MEIS3: variants seen among roughly 807,000 people sequenced by gnomAD.
MEIS3 encodes Meis homeobox 3, also known as homeobox protein Meis3.
Under a neutral mutation model 51.4 loss-of-function variants are expected in MEIS3, and 38 were observed. The observed-to-expected ratio is 0.74, with a 90% CI of 0.57 to 0.97. The LOEUF is 0.97. Ranked by LOEUF, MEIS3 falls within the 50% of genes least tolerant of loss-of-function variation. The pLI is 0.00. For missense variants in MEIS3, 456 were observed against 502.6 expected (o/e 0.91, Z 0.89); for synonymous variants, 198 against 201.8 (o/e 0.98, Z 0.16).
chr19:47,417,646 C>A (rs984010958), intron 1 of MEIS3: 2 of 702,494 alleles, frequency 2.8e-6, no homozygotes, highest in Non-Finnish European at 5.2e-6. Flanking sequence ...GAGAAAGTGG[C>A]GTGAGAAGAC....
In MEIS3 at chr19:47,406,929, C is replaced by A. The variant is rs1472310470; in HGVS notation, c.1037G>T (p.Gly346Val). 1 of 1,579,020 alleles carries A rather than the reference C, an allele frequency of 6.3e-7. No individual in the cohort carries two copies. Among genetic ancestry groups the A allele is most frequent in the Non-Finnish European group, 8.6e-7 (1 of 1,164,180 alleles). Residue 346 changes from glycine (G) to valine (V), a missense_variant, in exon 11 of 13, where the codon GGC (glycine) becomes GTC (valine). Coordinates refer to ENST00000558555, the MANE Select transcript of MEIS3 (RefSeq NM_001301059.2). ...CACGTGTGGCTGCGTCTCGGTATAGCCCCCGATGGGCTGGCCCTCTGGGCT... is the reference window on the plus strand; with the variant it reads ...CACGTGTGGCTGCGTCTCGGTATAGACCCCGATGGGCTGGCCCTCTGGGCT... ...AFSPEGQPIG[G>V]YTETQPHVAV...
At chr19:47,421,722 T>C (rs73065368), upstream of MEIS3, among the ~76,000 whole-genome samples, 5,073 of 139,782 alleles carry the variant, frequency 0.036, 103 homozygotes, top group African/African-American at 0.044. Context: ...TCACCTGGGC[T>C]GTGTCTGTCT....
At chr19:47,406,849 T>TGCGCAGGGGCGGGGCC in intron 11 of MEIS3, 39 bp downstream of exon 11, 1 of 1,521,760 alleles carries the variant, frequency 6.6e-7, no homozygotes. Flanking sequence ...TGGGTCATGG[T>TGCGCAGGGGCGGGGCC]GCGCAGGGGC....
chr19:47,421,156 C>T (rs906512795), upstream of MEIS3, among the ~76,000 whole-genome samples: 2 of 151,976 alleles, frequency 1.3e-5, no homozygotes, highest in Non-Finnish European at 2.9e-5. Context: ...CTTCCCTGCC[C>T]GGCTGAGTGG....
At position 47,405,089 on chromosome 19, in the gene MEIS3, T is replaced by C. The variant is rs190723955; in HGVS notation, c.*17+1371A>G. On this transcript the variant is annotated intron_variant, in intron 12 of 12. Coordinates refer to ENST00000558555, the MANE Select transcript of MEIS3 (RefSeq NM_001301059.2). The stretch of plus-strand genomic sequence containing the variant: ...CTAGGCTGCCTCCCTACCCTGGGCC[T>C]TTGCACATGCTGTTCCCTCTGCTTT... Among the ~76,000 whole-genome samples the C allele has an allele frequency of 2.0e-5, 3 of 152,320 alleles. No homozygotes were observed. The East Asian group carries it at 5.8e-4, about 29-fold the overall frequency.
chr19:47,420,921 C>T (rs1475748039), upstream of MEIS3, among the ~76,000 whole-genome samples: 448 of 108,826 alleles, frequency 4.1e-3, 5 homozygotes, highest in African/African-American at 0.018. Flanking sequence ...CACACACACA[C>T]ACACACACAC....
rs766894750 is a variant in MEIS3 at position 47,409,498 on chromosome 19, C to T, written c.647G>A (p.Gly216Glu). Residue 216 changes from glycine to glutamate, a missense_variant, in exon 7 of 13, where the codon GGG becomes GAG. By Grantham distance (98) the Gly-to-Glu change is moderately conservative (BLOSUM62 -2). Transcript: ENST00000558555. ...GCCCCCACTGGATGGACCTGGGGTC[C>T]CCAAATGTACAGACCCACTATCCTC... The part of the protein sequence containing the change: ...DHEDSGSVHL[G>E]TPGPSSGGLA... 1.9e-6 allele frequency: 3 copies of T among 1,614,084 alleles called. No homozygotes were observed. Among genetic ancestry groups the T allele is most frequent in the African/African-American group, 1.3e-5 (1 of 75,042 alleles).
chr19:47,415,110 G>C lies in MEIS3; in HGVS notation c.397-9C>G, dbSNP rs549923749. On this transcript the variant is annotated splice_polypyrimidine_tract_variant and intron_variant, in intron 4 of 12. Transcript: ENST00000558555. ...TGGATGGCCTGGATCATCTGAAAAC[G>C]TGGGCGGGAGGTGGGGGGAGACAGA... 1 of 1,553,010 alleles carries C rather than the reference G, an allele frequency of 6.4e-7. No individual in the cohort carries two copies. Among genetic ancestry groups the C allele is most frequent in the Admixed American group, 2.0e-5 (1 of 50,946 alleles).
At chr19:47,412,546 C>T (rs573431720) in intron 6 of MEIS3, among the ~76,000 whole-genome samples, 2 of 151,980 alleles carry the variant, frequency 1.3e-5, no homozygotes, top group South Asian at 4.2e-4. Context: ...CGACATAACA[C>T]CCAGCTAATT....
At chr19:47,421,177 G>A (rs1971705798), upstream of MEIS3, among the ~76,000 whole-genome samples, 1 of 152,018 alleles carries the variant, frequency 6.6e-6, no homozygotes, top group Non-Finnish European at 1.5e-5. Context: ...CTCCCTGGGT[G>A]GCATCAGAGT....
chr19:47,421,040 G>A (rs1971701379), upstream of MEIS3, among the ~76,000 whole-genome samples: 1 of 151,398 alleles, frequency 6.6e-6, no homozygotes, highest in African/African-American at 2.4e-5. Flanking sequence ...GCAGGTGGCG[G>A]CCAGGCCTGG....
At chr19:47,412,525 C>A (rs1971185376) in intron 6 of MEIS3, 1 of 151,336 alleles carries the variant, frequency 6.6e-6, no homozygotes, top group Admixed American at 6.6e-5. Flanking sequence ...GTAGATGGGA[C>A]TACAGGCGCA....
At chr19:47,409,825 T>G (rs185197479) in intron 6 of MEIS3, among the ~76,000 whole-genome samples, 191 of 147,434 alleles carry the variant, frequency 1.3e-3, no homozygotes, top group African/African-American at 4.5e-3. Context: ...ATTGCGCCAC[T>G]GCACTCCAGC....
upstream of MEIS3, among the ~76,000 whole-genome samples, chr19:47,420,529 G>GAC (rs1971666561): frequency 1.4e-5 from 2 of 145,170 alleles, no homozygotes; most frequent in African/African-American, 5.4e-5. Context: ...TTCAGAGAGA[G>GAC]AGAGAGACAG....
At chr19:47,417,722 C>A (rs573300191) in intron 1 of MEIS3, 1 of 697,076 alleles carries the variant, frequency 1.4e-6, no homozygotes, top group Non-Finnish European at 2.6e-6. Flanking sequence ...GTAGGAACCG[C>A]GCATTGTTGT....
intron 4 of MEIS3, 70 bp from the exon 5 acceptor site, chr19:47,415,171 G>A: frequency 1.1e-6 from 1 of 924,862 alleles, no homozygotes; most frequent in Non-Finnish European, 1.7e-6. Flanking sequence ...GAAGAAGGAA[G>A]AGGAAGAGAA....
chr19:47,417,138 G>C (rs1971469201), intron 2 of MEIS3, 40 bp downstream of exon 2: 1 of 1,424,290 alleles, frequency 7.0e-7, no homozygotes, highest in East Asian at 2.4e-5. Context: ...CAGAAAGACA[G>C]AGAGAGAGAG....
chr19:47,410,075 G>A (rs536626365), intron 6 of MEIS3, among the ~76,000 whole-genome samples: 53 of 152,222 alleles, frequency 3.5e-4, no homozygotes, highest in African/African-American at 1.2e-3. Context: ...TGGAGGCTGA[G>A]GCAGGCAGAT....
chr19:47,416,740 G>T, intron 3 of MEIS3, 38 bp from the exon 4 acceptor site: 1 of 1,610,880 alleles, frequency 6.2e-7, no homozygotes, highest in Middle Eastern at 1.7e-4. Context: ...GGGATGTCCC[G>T]CCTTCCACCC....
Sources: allele counts gnomAD v4.1 joint callset (sites outside exome capture counted in the v4.1 genomes callset), GRCh38; gene constraint gnomAD v4.1.1; transcripts MANE v1.5; gene names NCBI Gene and HGNC (gene_info 2026-07-23, HGNC 2026-07-21).